RNF180: variants seen among roughly 807,000 people sequenced by gnomAD.
RNF180 encodes the protein ring finger protein 180, also known as E3 ubiquitin-protein ligase RNF180.
RNF180 carries 38 observed loss-of-function variants against 59.2 expected under a neutral mutation model. That is an observed-to-expected ratio of 0.64 (90% CI 0.50 to 0.84). RNF180 has a LOEUF of 0.84. Among genes scored for constraint, RNF180 ranks in the 40% least tolerant of loss-of-function variants. The pLI is 0.00. For synonymous variants in RNF180, 262 were observed against 240.3 expected, an observed-to-expected ratio of 1.09 and a Z score of -0.84; for missense variants, 705 against 700.9, an observed-to-expected ratio of 1.01 and a Z score of -0.07.
At chr5:64,225,640 C>CATCT (rs1741675290) in intron 5 of RNF180, among the ~76,000 whole-genome samples, 1 of 135,212 alleles carries the variant, frequency 7.4e-6, no homozygotes, top group African/African-American at 2.9e-5. Context: ...CCGGCCGCCC[C>CATCT]GTCTGGGAAG....
chr5:64,335,200 T>C (rs183691372), intron 7 of RNF180, among the ~76,000 whole-genome samples: 1 of 152,254 alleles, frequency 6.6e-6, no homozygotes, highest in East Asian at 1.9e-4. Flanking sequence ...TTGGTTGTAT[T>C]TTTTTGTTGT....
chr5:64,292,897 G>A (rs1742679078), intron 5 of RNF180, among the ~76,000 whole-genome samples: 1 of 152,176 alleles, frequency 6.6e-6, no homozygotes, highest in African/African-American at 2.4e-5. Flanking sequence ...CAAAGAAGCG[G>A]TCTGGCCACA....
intron 5 of RNF180, among the ~76,000 whole-genome samples, chr5:64,254,720 G>C (rs1205431440): frequency 6.6e-6 from 1 of 152,062 alleles, no homozygotes; most frequent in Non-Finnish European, 1.5e-5. Flanking sequence ...TATAGAGTAG[G>C]CGAAGCTTAT....
At chr5:64,361,425 C>T (rs1283957744) in intron 7 of RNF180, among the ~76,000 whole-genome samples, 1 of 151,470 alleles carries the variant, frequency 6.6e-6, no homozygotes, top group Admixed American at 6.6e-5. Context: ...ACCATATGAA[C>T]ATCTTCAGAG....
At chr5:64,183,835 A>G (rs1429990649) in intron 1 of RNF180, among the ~76,000 whole-genome samples, 2 of 152,192 alleles carry the variant, frequency 1.3e-5, no homozygotes, top group African/African-American at 4.8e-5. Flanking sequence ...TGAAACTCAG[A>G]CTGTGTTCTT....
At chr5:64,203,420 A>G (rs1751853699) in intron 2 of RNF180, among the ~76,000 whole-genome samples, 1 of 152,176 alleles carries the variant, frequency 6.6e-6, no homozygotes, top group African/African-American at 2.4e-5. Context: ...CCACCACTAC[A>G]TTGCAATTTT....
intron 4 of RNF180, among the ~76,000 whole-genome samples, 162 bp from the exon 5 acceptor site, chr5:64,217,199 T>C (rs1752676329): frequency 6.6e-6 from 1 of 152,222 alleles, no homozygotes; most frequent in South Asian, 2.1e-4. Flanking sequence ...GTTTGTTCTT[T>C]TTTATTGCTC....
At chr5:64,175,046 C>G (rs1750157257) in intron 1 of RNF180, among the ~76,000 whole-genome samples, 1 of 144,874 alleles carries the variant, frequency 6.9e-6, no homozygotes, top group Non-Finnish European at 1.5e-5. Context: ...CGGCTCACTG[C>G]AACTTCCACC....
At chr5:64,178,111 G>A (rs1226718820) in intron 1 of RNF180, among the ~76,000 whole-genome samples, 1 of 150,798 alleles carries the variant, frequency 6.6e-6, no homozygotes, top group Admixed American at 6.6e-5. Flanking sequence ...GGCTGAGGCA[G>A]GAGAATTGCT....
At chr5:64,288,682 T>C (rs1028010741) in intron 5 of RNF180, among the ~76,000 whole-genome samples, 1 of 152,190 alleles carries the variant, frequency 6.6e-6, no homozygotes, top group African/African-American at 2.4e-5. Flanking sequence ...ATTCATGATT[T>C]GGCTCTCTGC....
chr5:64,336,744 T>C (rs1745141487), intron 7 of RNF180, among the ~76,000 whole-genome samples: 1 of 152,214 alleles, frequency 6.6e-6, no homozygotes. Flanking sequence ...TATTTTACTA[T>C]GGGGGTTTCT....
chr5:64,281,188 A>G (rs1327516720), intron 5 of RNF180, among the ~76,000 whole-genome samples: 1 of 152,224 alleles, frequency 6.6e-6, no homozygotes, highest in African/African-American at 2.4e-5. Context: ...TATTTATCAG[A>G]TCTAGGAGCT....
At chr5:64,234,600 T>C (rs1233498885) in intron 5 of RNF180, among the ~76,000 whole-genome samples, 6 of 90,376 alleles carry the variant, frequency 6.6e-5, no homozygotes, top group Admixed American at 4.4e-4. Context: ...TTTTTTTTTT[T>C]TTTTTTTTTT....
rs116412141 is a variant in RNF180, at chr5:64,233,947, A to G, written c.1227+16551A>G. Among the ~76,000 whole-genome samples the G allele has an allele frequency of 7.3e-3, 1,110 of 152,286 alleles. 11 individuals are homozygous for G. The highest frequency in any genetic ancestry group is 0.026 in the African/African-American group (1,077 of 41,550). Reference sequence around the variant, plus strand: ...TGCCCTGGTCTGGTTCAGAAAACTTATCATACTACATGGCTTGTAAGTTGG... The same window carrying G: ...TGCCCTGGTCTGGTTCAGAAAACTTGTCATACTACATGGCTTGTAAGTTGG... On this transcript the variant is annotated intron_variant, in intron 5 of 7. Coordinates refer to ENST00000389100, the MANE Select transcript of RNF180 (RefSeq NM_001113561.2).
chr5:64,312,742 C>A (rs935037126), intron 5 of RNF180, among the ~76,000 whole-genome samples: 2 of 152,100 alleles, frequency 1.3e-5, no homozygotes, highest in African/African-American at 4.8e-5. Context: ...ACAATACCAA[C>A]TGCAGGTCCC....
At chr5:64,169,734 G>A (rs950785951) in intron 1 of RNF180, among the ~76,000 whole-genome samples, 9 of 152,100 alleles carry the variant, frequency 5.9e-5, no homozygotes, top group Non-Finnish European at 8.8e-5. Context: ...AAGACTCCTC[G>A]CTCTTTGACC....
At chr5:64,169,668 G>T (rs1749833693) in intron 1 of RNF180, among the ~76,000 whole-genome samples, 1 of 152,094 alleles carries the variant, frequency 6.6e-6, no homozygotes, top group East Asian at 1.9e-4. Flanking sequence ...TTTTGCAACT[G>T]AGTCTCTATA....
At chr5:64,241,608 T>C (rs74833236) in intron 5 of RNF180, among the ~76,000 whole-genome samples, 8,504 of 152,252 alleles carry the variant, frequency 0.056, 762 homozygotes, top group African/African-American at 0.18. Flanking sequence ...GCTCAGTATT[T>C]GGCACACAGT....
At chr5:64,333,063 G>T (rs1480600583) in intron 7 of RNF180, among the ~76,000 whole-genome samples, 2 of 152,166 alleles carry the variant, frequency 1.3e-5, no homozygotes, top group Non-Finnish European at 2.9e-5. Flanking sequence ...TTTGAATGAA[G>T]AAAATAGTTT....
Sources: allele counts gnomAD v4.1 joint callset (sites outside exome capture counted in the v4.1 genomes callset), GRCh38; gene constraint gnomAD v4.1.1; transcripts MANE v1.5; gene names NCBI Gene and HGNC (gene_info 2026-07-23, HGNC 2026-07-21).